TSPAN15: variants seen among roughly 807,000 people sequenced by gnomAD.
TSPAN15 encodes tetraspanin 15, also known as tetraspanin-15.
TSPAN15 carries 20 observed loss-of-function variants against 34.5 expected under a neutral mutation model. The ratio of observed to expected loss-of-function variants is 0.58; its 90% CI spans 0.41 to 0.84. The LOEUF (loss-of-function observed/expected upper bound fraction) is 0.84, where lower values mean the gene tolerates loss of function less well. Among genes scored for constraint, TSPAN15 ranks in the 40% least tolerant of loss-of-function variants. The pLI, the probability that TSPAN15 is intolerant of heterozygous loss-of-function variation, is 0.00. For synonymous variants in TSPAN15, 155 were observed against 153.9 expected (o/e 1.01, Z -0.05); for missense variants, 313 against 386.1 (o/e 0.81, Z 1.59).
chr10:69,493,894 C>T (rs1011056237), intron 3 of TSPAN15, among the ~76,000 whole-genome samples: 2 of 152,212 alleles, frequency 1.3e-5, no homozygotes, highest in African/African-American at 4.8e-5. Context: ...GGATTACAGG[C>T]ATGAGCCACC....
chr10:69,455,138 G>C (rs556363780), intron 1 of TSPAN15, among the ~76,000 whole-genome samples: 1 of 139,066 alleles, frequency 7.2e-6, no homozygotes, highest in African/African-American at 2.8e-5. Context: ...TTCCAGCCTG[G>C]TGACAGTCTC....
intron 1 of TSPAN15, among the ~76,000 whole-genome samples, chr10:69,455,610 C>CTT (rs1564595618): frequency 1.1e-5 from 1 of 87,488 alleles, no homozygotes; most frequent in African/African-American, 4.6e-5. Context: ...CTTTCTTTCT[C>CTT]TCTCTCTCTC....
the TSPAN15 span, among the ~76,000 whole-genome samples, chr10:69,537,070 G>A: frequency 2.0e-5 from 3 of 151,896 alleles, no homozygotes; most frequent in Non-Finnish European, 4.4e-5. Context: ...CCCCTTAAAG[G>A]CCCTGTCTCC....
downstream of TSPAN15, among the ~76,000 whole-genome samples, chr10:69,508,440 CAAAAAAAAAAAAAAA>C (rs71009229): frequency 1.3e-4 from 8 of 62,174 alleles, no homozygotes; most frequent in East Asian, 7.0e-4. Flanking sequence ...GACTCCATCT[CAAAAAAAAAAAAAAA>C]AAAAAAAAAA....
chr10:69,517,128 G>C, the TSPAN15 span, among the ~76,000 whole-genome samples: 1 of 152,186 alleles, frequency 6.6e-6, no homozygotes, highest in South Asian at 2.1e-4. Context: ...GCTGTGCCAG[G>C]TGTACGGGTG....
chr10:69,457,458 G>A (rs1455766363), intron 1 of TSPAN15, among the ~76,000 whole-genome samples: 1 of 152,194 alleles, frequency 6.6e-6, no homozygotes, highest in Non-Finnish European at 1.5e-5. Context: ...TTGATAACAG[G>A]GTAGGACTTT....
intron 1 of TSPAN15, among the ~76,000 whole-genome samples, chr10:69,456,367 G>A (rs1589619160): frequency 1.3e-5 from 2 of 152,252 alleles, no homozygotes; most frequent in African/African-American, 4.8e-5. Flanking sequence ...GATTACAGGC[G>A]TGAGTCACTG....
rs770486125 is a variant in TSPAN15, at chr10:69,485,224, G to A, written c.357+9G>A. 1 of 1,613,996 alleles carries A rather than the reference G, an allele frequency of 6.2e-7. No homozygotes were observed. Among genetic ancestry groups the A allele is most frequent in the South Asian group, 1.1e-5 (1 of 91,076 alleles). On this transcript the variant is annotated intron_variant, in intron 3 of 7. Coordinates refer to ENST00000373290, the MANE Select transcript of TSPAN15 (RefSeq NM_012339.5). ...TGACCTTCCGGAACCAGGTGGGCCT[G>A]TGGATTTGTGTATCGGCCATGTGTG...
chr10:69,525,242 A>G, the TSPAN15 span, among the ~76,000 whole-genome samples: 3 of 148,156 alleles, frequency 2.0e-5, no homozygotes, highest in Admixed American at 2.1e-4. Context: ...TAGAGTTCAT[A>G]AAATGTGAAA....
At chr10:69,516,104 G>A in the TSPAN15 span, among the ~76,000 whole-genome samples, 1 of 152,236 alleles carries the variant, frequency 6.6e-6, no homozygotes, top group Admixed American at 6.5e-5. Context: ...GGATACTAAC[G>A]ATAGGAGTAG....
rs984058354 is a variant in TSPAN15, at chr10:69,507,137, C to T, written c.*159C>T. On this transcript the variant is annotated 3_prime_UTR_variant, in exon 8 of 8. Coordinates refer to ENST00000373290, the MANE Select transcript of TSPAN15 (RefSeq NM_012339.5). ...TGTGTGTAGGTCCCACGGCCTCTGC[C>T]TCCCCAGGGAGCAGAGCCTGGGCCT... is the stretch of plus-strand genomic sequence containing the variant. The T allele has an allele frequency of 6.2e-6, 9 of 1,446,168 alleles. No individual in the cohort carries two copies. The highest frequency in any genetic ancestry group is 2.5e-4 in the Middle Eastern group (1 of 3,992). 89.6% of individuals were successfully genotyped at this position (1,446,168 alleles called of 1,614,324 possible).
chr10:69,539,536 AAGGAGAAGGAGAAGGAGAAGGAGAAGG>A, the TSPAN15 span, among the ~76,000 whole-genome samples: 404 of 71,506 alleles, frequency 5.6e-3, 29 homozygotes, highest in African/African-American at 0.016. Flanking sequence ...GAAGAAGAAG[AAGGAGAAGGAGAAGGAGAAGGAGAAGG>A]AGAAGAAGAC....
chr10:69,507,957 G>C (rs1842371129), downstream of TSPAN15, among the ~76,000 whole-genome samples: 2 of 152,090 alleles, frequency 1.3e-5, no homozygotes, highest in Non-Finnish European at 2.9e-5. Context: ...GTTGCCCACA[G>C]GTCCACCTAC....
At chr10:69,466,816 C>T (rs1394286922) in intron 1 of TSPAN15, among the ~76,000 whole-genome samples, 3 of 152,194 alleles carry the variant, frequency 2.0e-5, no homozygotes, top group Admixed American at 2.0e-4. Flanking sequence ...CAGCATCTTA[C>T]AGTTTACAAA....
At chr10:69,455,518 CCCTCTCTTTCTTTCTCTTTCTTTCTTTCT>C (rs1841068183) in intron 1 of TSPAN15, among the ~76,000 whole-genome samples, 7 of 148,078 alleles carry the variant, frequency 4.7e-5, no homozygotes, top group Non-Finnish European at 7.5e-5. Flanking sequence ...GTCTTTCTTT[CCCTCTCTTTCTTTCTCTTTCTTTCTTTCT>C]TCTCTCTCTC....
the TSPAN15 span, among the ~76,000 whole-genome samples, chr10:69,534,000 G>T: frequency 6.6e-6 from 1 of 152,140 alleles, no homozygotes; most frequent in Non-Finnish European, 1.5e-5. Flanking sequence ...AAAACAGTTT[G>T]TGTTTTCCAC....
At chr10:69,532,553 C>T in the TSPAN15 span, among the ~76,000 whole-genome samples, 2 of 152,178 alleles carry the variant, frequency 1.3e-5, no homozygotes, top group Non-Finnish European at 2.9e-5. Flanking sequence ...GGATTTAAAT[C>T]TAAGACTTGA....
At chr10:69,473,255 G>T (rs1841543204) in intron 1 of TSPAN15, among the ~76,000 whole-genome samples, 1 of 152,186 alleles carries the variant, frequency 6.6e-6, no homozygotes, top group East Asian at 1.9e-4. Context: ...GATCTCCTGG[G>T]CTCAAGCGAT....
Position 69,506,075 on chromosome 10 carries a change from C to T in TSPAN15, c.619-49C>T. 1.3e-6 allele frequency: 2 copies of T among 1,550,254 alleles called. No homozygotes were observed. Among genetic ancestry groups the T allele is most frequent in the Non-Finnish European group, 1.8e-6 (2 of 1,126,714 alleles). On this transcript the variant is annotated intron_variant, in intron 6 of 7. Transcript: ENST00000373290. This position sits in a 1 kb window ranked among gnomAD's most constrained non-coding sequence, Gnocchi z 4.7. ...CATGGCAGAGTCGGGGCTGTGGCTCCTGCCAGCCGAGGTCCTCTGCTGGGC... is the reference window on the plus strand; with the variant it reads ...CATGGCAGAGTCGGGGCTGTGGCTCTTGCCAGCCGAGGTCCTCTGCTGGGC...
Sources: gnomAD v4.1 joint callset for allele counts (sites outside exome capture counted in the v4.1 genomes callset) on GRCh38, gnomAD v4.1.1 for gene constraint, Gnocchi (gnomAD v3.1) non-coding constraint, MANE v1.5 for transcripts, NCBI Gene and HGNC (gene_info 2026-07-23, HGNC 2026-07-21) for gene names.